The following LRRC7 variants were observed in gnomAD, a reference collection of about 807,000 sequenced individuals.
LRRC7 encodes the protein leucine rich repeat containing 7, also known as leucine-rich repeat-containing protein 7.
LRRC7 carries 23 observed loss-of-function variants against 175.7 expected under a neutral mutation model. The ratio of observed to expected loss-of-function variants is 0.13; its 90% CI spans 0.09 to 0.19. The LOEUF (loss-of-function observed/expected upper bound fraction) is 0.19. LRRC7 is among the 10% of genes least tolerant of loss of function. The pLI is 1.00. For missense variants in LRRC7, 1,354 were observed against 1,904.7 expected (o/e 0.71, Z 5.38); for synonymous variants, 685 against 680.9 (o/e 1.01, Z -0.09).
chr1:69,686,022 C>T (rs1374679177), intron 2 of LRRC7, among the ~76,000 whole-genome samples: 4 of 151,844 alleles, frequency 2.6e-5, no homozygotes, highest in Non-Finnish European at 5.9e-5. Context: ...AGAAATAACA[C>T]ATTACATATA....
intron 23 of LRRC7, among the ~76,000 whole-genome samples, chr1:70,071,922 A>G (rs1258424106): frequency 6.6e-6 from 1 of 151,930 alleles, no homozygotes; most frequent in Non-Finnish European, 1.5e-5. Context: ...ATTATACAAA[A>G]CCTCCCAAAT....
rs1570872375 is a variant in LRRC7 at position 69,974,574 on chromosome 1, A to G, written c.712-5805A>G. Among the ~76,000 whole-genome samples, 3 of 152,344 alleles carry G rather than the reference A, an allele frequency of 2.0e-5. No individual in the cohort carries two copies. The East Asian group carries it at 5.8e-4, about 29-fold the overall frequency. Reference sequence around the variant, plus strand: ...TGATTAAATTAAGTAGCATAGAAAAATGTGATCAATGTGTTGGTTGAATGT... The same window carrying G: ...TGATTAAATTAAGTAGCATAGAAAAGTGTGATCAATGTGTTGGTTGAATGT... On this transcript the variant is annotated intron_variant, in intron 8 of 26. Coordinates refer to ENST00000651989, the MANE Select transcript of LRRC7 (RefSeq NM_001370785.2).
At chr1:69,758,707 T>G (rs1670703618) in intron 2 of LRRC7, among the ~76,000 whole-genome samples, 2 of 151,970 alleles carry the variant, frequency 1.3e-5, no homozygotes, top group Non-Finnish European at 2.9e-5. Context: ...CCCTTCTTAG[T>G]GGCCATGTTT....
At chr1:69,568,682 G>T in intron 1 of LRRC7, 41 bp downstream of exon 1, 1 of 867,026 alleles carries the variant, frequency 1.2e-6, no homozygotes, top group Admixed American at 3.2e-5. Flanking sequence ...GGGTGCTGCG[G>T]GGGCCCGGCC....
chr1:70,063,102 G>A (rs747469926), intron 23 of LRRC7, among the ~76,000 whole-genome samples: 5 of 151,986 alleles, frequency 3.3e-5, no homozygotes, highest in Admixed American at 6.6e-5. Context: ...TCACAAAATC[G>A]GGGATTGTCC....
At chr1:70,076,958 A>G (rs1662827085) in intron 24 of LRRC7, among the ~76,000 whole-genome samples, 1 of 152,200 alleles carries the variant, frequency 6.6e-6, no homozygotes, top group Admixed American at 6.5e-5. Context: ...CATCTATTGA[A>G]CTATATTAAT....
intron 26 of LRRC7, among the ~76,000 whole-genome samples, chr1:70,113,727 CA>C (rs201499631): frequency 0.091 from 12,919 of 141,626 alleles, 637 homozygotes; most frequent in South Asian, 0.21. Context: ...GACATATCTT[CA>C]AAAAAAAAAA....
At chr1:69,805,965 A>G (rs1677069922) in intron 4 of LRRC7, among the ~76,000 whole-genome samples, 1 of 151,944 alleles carries the variant, frequency 6.6e-6, no homozygotes, top group Non-Finnish European at 1.5e-5. Context: ...CTAGAGTTGC[A>G]GCAGAGCTAA....
intron 2 of LRRC7, among the ~76,000 whole-genome samples, chr1:69,733,805 T>C (rs147748607): frequency 1.1e-4 from 16 of 152,210 alleles, no homozygotes; most frequent in Admixed American, 3.3e-4. Context: ...TTTGGCTCTC[T>C]GCATCAGATA....
intron 1 of LRRC7, among the ~76,000 whole-genome samples, chr1:69,644,714 G>A (rs1654744425): frequency 6.6e-6 from 1 of 151,708 alleles, no homozygotes; most frequent in African/African-American, 2.4e-5. Context: ...CAAGTTTTTT[G>A]CTAAGGAATA....
At chr1:69,927,606 T>C (rs1346021578) in intron 7 of LRRC7, among the ~76,000 whole-genome samples, 10 of 152,222 alleles carry the variant, frequency 6.6e-5, no homozygotes, top group African/African-American at 1.7e-4. Context: ...GCATCGGCTC[T>C]TGAGGCTTCT....
rs1657475800 is a variant in LRRC7 at position 69,661,538 on chromosome 1, C to T, written c.3-16843C>T. Among the ~76,000 whole-genome samples, 7 of 152,260 alleles carry T rather than the reference C, an allele frequency of 4.6e-5. No homozygotes were observed. The South Asian group carries it at 1.5e-3, about 32-fold the overall frequency. On this transcript the variant is annotated intron_variant, in intron 1 of 26. Transcript: ENST00000651989. ...TTTAAAAAATGCTGAATATCTTTTA[C>T]TCTGAGTGGTCAGCACCATCTGCAA...
chr1:70,051,648 CT>C (rs2102060068), intron 22 of LRRC7, among the ~76,000 whole-genome samples: 1 of 151,446 alleles, frequency 6.6e-6, no homozygotes, highest in Non-Finnish European at 1.5e-5. Context: ...AATTCAGTAC[CT>C]TTTTTCTCTT....
At chr1:69,694,674 A>G (rs1662332038) in intron 2 of LRRC7, among the ~76,000 whole-genome samples, 1 of 152,078 alleles carries the variant, frequency 6.6e-6, no homozygotes, top group Admixed American at 6.6e-5. Context: ...TTCTCATGAT[A>G]AAAAGTGAGT....
chr1:69,635,678 A>G (rs1653234547), intron 1 of LRRC7, among the ~76,000 whole-genome samples: 1 of 152,098 alleles, frequency 6.6e-6, no homozygotes, highest in Admixed American at 6.6e-5. Context: ...TTTAAAAATA[A>G]TAACAATTTA....
chr1:69,642,664 G>A (rs1008204966), intron 1 of LRRC7, among the ~76,000 whole-genome samples: 4 of 151,974 alleles, frequency 2.6e-5, no homozygotes, highest in Non-Finnish European at 5.9e-5. Flanking sequence ...AATCATGCCA[G>A]TTAAAAAGAT....
chr1:69,568,823 A>G (rs1401538912), intron 1 of LRRC7, among the ~76,000 whole-genome samples, 182 bp downstream of exon 1: 1 of 152,140 alleles, frequency 6.6e-6, no homozygotes, highest in Non-Finnish European at 1.5e-5. Flanking sequence ...AAGATGTGGT[A>G]GGTTGCAGAG....
chr1:69,821,727 C>G (rs978331218), intron 4 of LRRC7, among the ~76,000 whole-genome samples: 1 of 151,948 alleles, frequency 6.6e-6, no homozygotes, highest in Non-Finnish European at 1.5e-5. Context: ...AACCCCATCT[C>G]TACTAAAAAT....
intron 8 of LRRC7, among the ~76,000 whole-genome samples, chr1:69,973,250 A>G (rs1652452210): frequency 1.3e-5 from 2 of 151,872 alleles, no homozygotes; most frequent in African/African-American, 2.4e-5. Context: ...ATGCAAAGGC[A>G]TAAGAATAAC....
Sources: allele counts gnomAD v4.1 joint callset (sites outside exome capture counted in the v4.1 genomes callset), GRCh38; gene constraint gnomAD v4.1.1; transcripts MANE v1.5; gene names NCBI Gene and HGNC (gene_info 2026-07-23, HGNC 2026-07-21).